The following CCDC57 variants were observed in gnomAD, a reference collection of about 807,000 sequenced individuals.
CCDC57 encodes the protein coiled-coil domain-containing protein 57.
Under a neutral mutation model 118.9 loss-of-function variants are expected in CCDC57, and 118 were observed. The ratio of observed to expected loss-of-function variants is 0.99; its 90% CI spans 0.86 to 1.16. The LOEUF is 1.16. Among genes scored for constraint, CCDC57 ranks in the 50% most tolerant of loss-of-function variants. The pLI, the probability that CCDC57 is intolerant of heterozygous loss-of-function variation, is 0.00. For synonymous variants in CCDC57, 527 were observed against 532.9 expected, an observed-to-expected ratio of 0.99 and a Z score of 0.15; for missense variants, 1,300 against 1,320.7, an observed-to-expected ratio of 0.98 and a Z score of 0.24.
At position 82,119,905 on chromosome 17, in the gene CCDC57, G is replaced by A. The variant is rs1035828456; in HGVS notation, c.2899+7787C>T. 1.5e-4 allele frequency among the ~76,000 whole-genome samples: 23 copies of A among 152,272 alleles called. No individual in the cohort carries two copies. The South Asian group carries it at 1.9e-3, about 12-fold the overall frequency. The stretch of plus-strand genomic sequence containing the variant: ...CATCCAGGGTGTATGGGGGAGCCCC[G>A]ACTCCAGCCAGCTGTTCCAGCCTCA... On this transcript the variant is annotated intron_variant, in intron 19 of 19. Coordinates refer to ENST00000665763, the Ensembl canonical transcript of CCDC57.
intron 19 of CCDC57, chr17:82,113,541 A>ATG (rs1427700033): frequency 5.6e-6 from 4 of 717,456 alleles, no homozygotes; most frequent in Non-Finnish European, 1.0e-5. Context: ...ATGTTTTTGC[A>ATG]CACTGAGGAG....
chr17:82,114,149 C>T (rs1237603016), intron 19 of CCDC57, among the ~76,000 whole-genome samples: 1 of 152,206 alleles, frequency 6.6e-6, no homozygotes, highest in Non-Finnish European at 1.5e-5. Context: ...TGCGCGTTTA[C>T]AGAGGAGGTA....
At chr17:82,177,262 G>C (rs1353024974) in intron 11 of CCDC57, among the ~76,000 whole-genome samples, 1 of 152,144 alleles carries the variant, frequency 6.6e-6, no homozygotes, top group Non-Finnish European at 1.5e-5. Context: ...TGTAATCCCA[G>C]CTACTCAGGA....
At chr17:82,135,586 G>A (rs2039039437) in intron 16 of CCDC57, among the ~76,000 whole-genome samples, 1 of 152,152 alleles carries the variant, frequency 6.6e-6, no homozygotes, top group Non-Finnish European at 1.5e-5. Flanking sequence ...GATGACACTT[G>A]GAAATGAACG....
rs973543880 is a variant in CCDC57 at position 82,126,808 on chromosome 17, G to A, written c.2899+884C>T. 6 of 985,344 alleles carry A rather than the reference G, an allele frequency of 6.1e-6. No individual in the cohort carries two copies. The East Asian group carries it at 4.5e-4, about 74-fold the overall frequency. The allele number at this position is 985,344 out of a possible 1,614,324, so 61.0% of individuals were successfully genotyped here. A position where few individuals can be genotyped will look rare whatever the true frequency, so the allele number is the denominator to read the frequency against. On this transcript the variant is annotated intron_variant, in intron 19 of 19. Coordinates refer to ENST00000665763, the Ensembl canonical transcript of CCDC57. ...TCTAACAGTATCTGTGACGGTAAAG[G>A]ACTGGAAATAGCCTAAAATGCGCAT...
chr17:82,190,471 G>A (rs956300437), intron 7 of CCDC57, among the ~76,000 whole-genome samples: 5 of 152,092 alleles, frequency 3.3e-5, no homozygotes, highest in South Asian at 2.1e-4. Context: ...CGAGGTGCGC[G>A]GACCACTTGA....
exon 8 of CCDC57, chr17:82,188,392 C>T (rs1372886953): frequency 1.2e-6 from 2 of 1,611,814 alleles, no homozygotes; most frequent in East Asian, 2.2e-5. Flanking sequence ...CATCCTTCTC[C>T]CTGGCCAGAC....
intron 19 of CCDC57, among the ~76,000 whole-genome samples, chr17:82,111,340 G>A (rs2035227026): frequency 6.9e-6 from 1 of 144,432 alleles, no homozygotes; most frequent in South Asian, 2.2e-4. Flanking sequence ...TGACCCTCGT[G>A]ATCCACCCAC....
At chr17:82,182,764 A>C (rs35790128) in intron 9 of CCDC57, among the ~76,000 whole-genome samples, 74,663 of 147,782 alleles carry the variant, frequency 0.51, 19,190 homozygotes, top group East Asian at 0.88. Context: ...GGGCTCACCA[A>C]AACCTCCGCC....
In CCDC57 at chr17:82,197,160, CAGACGCAGCCCCTCGTGACTCCTGCAG is replaced by C. The variant is rs1417102506; in HGVS notation, c.516+1127_516+1153del. On this transcript the variant is annotated intron_variant, in intron 4 of 19. Transcript: ENST00000665763. ...GAGACACAGCCCCTCGTGACTCCTG[CAGACGCAGCCCCTCGTGACTCCTGCAG>C]AGACGCAGCCCCTCATGACACCTGC... Among the ~76,000 whole-genome samples the C allele has an allele frequency of 4.0e-3, 585 of 145,588 alleles. 2 individuals are homozygous for C. Among genetic ancestry groups the C allele is most frequent in the Admixed American group, 9.8e-3 (144 of 14,682 alleles).
chr17:82,113,153 T>C, intron 19 of CCDC57: 1 of 549,424 alleles, frequency 1.8e-6, no homozygotes, highest in South Asian at 2.6e-5. Flanking sequence ...TACTTGACCA[T>C]CTGTTTCTCA....
chr17:82,107,552 A>G (rs1365591665), intron 19 of CCDC57: 1 of 470,800 alleles, frequency 2.1e-6, no homozygotes, highest in Admixed American at 2.3e-5. Context: ...GTGCTTCTGG[A>G]CCTGGCGCTC....
chr17:82,128,805 A>AT (rs2037871206), intron 17 of CCDC57, among the ~76,000 whole-genome samples: 2 of 151,870 alleles, frequency 1.3e-5, no homozygotes, highest in African/African-American at 4.8e-5. Flanking sequence ...CATTCCCAGG[A>AT]GCCTTCTCTG....
chr17:82,103,655 G>A (rs557849140), intron 19 of CCDC57, among the ~76,000 whole-genome samples: 6 of 152,366 alleles, frequency 3.9e-5, no homozygotes, highest in East Asian at 1.9e-4. Context: ...GGCTTTGCCC[G>A]GCTTGATCCT....
intron 19 of CCDC57, among the ~76,000 whole-genome samples, chr17:82,109,923 A>G (rs1429563348): frequency 6.6e-6 from 1 of 151,988 alleles, no homozygotes; most frequent in African/African-American, 2.4e-5. Flanking sequence ...AGACAGAAAA[A>G]GTAAAAATTA....
chr17:82,185,755 C>T (rs2046846799), intron 8 of CCDC57, among the ~76,000 whole-genome samples: 1 of 152,008 alleles, frequency 6.6e-6, no homozygotes, highest in Non-Finnish European at 1.5e-5. Flanking sequence ...GTGGCTCATG[C>T]CTATAATCCC....
intron 16 of CCDC57, chr17:82,145,873 C>T (rs1452152325): frequency 4.4e-6 from 2 of 451,472 alleles, no homozygotes; most frequent in Admixed American, 5.0e-5. Context: ...GCTCCACAGT[C>T]TGAATGGGGT....
At chr17:82,185,576 G>A (rs1470309715) in intron 8 of CCDC57, among the ~76,000 whole-genome samples, 2 of 151,614 alleles carry the variant, frequency 1.3e-5, no homozygotes, top group African/African-American at 2.4e-5. Flanking sequence ...CCGAGATCAC[G>A]CCACTGCACT....
At chr17:82,110,568 A>G (rs2035173812) in intron 19 of CCDC57, among the ~76,000 whole-genome samples, 2 of 152,238 alleles carry the variant, frequency 1.3e-5, no homozygotes, top group Non-Finnish European at 2.9e-5. Flanking sequence ...CAAACAGACC[A>G]TGCCTAGAAT....
Sources: allele counts gnomAD v4.1 joint callset (sites outside exome capture counted in the v4.1 genomes callset), GRCh38; gene constraint gnomAD v4.1.1; transcripts MANE v1.5; gene names NCBI Gene and HGNC (gene_info 2026-07-23, HGNC 2026-07-21).